FAM91A1: variants seen among roughly 807,000 people sequenced by gnomAD.
The protein encoded by FAM91A1 is family with sequence similarity 91 member A1.
A neutral mutation model predicts 113.5 loss-of-function variants in FAM91A1; 41 were observed. That is an observed-to-expected ratio of 0.36 (90% confidence interval 0.28 to 0.47). FAM91A1 has a LOEUF of 0.47. Among genes scored for constraint, FAM91A1 ranks in the 20% least tolerant of loss-of-function variants. The probability of loss-of-function intolerance (pLI) is 1.00; values close to 1 mark genes in which losing one functional copy is unlikely to be tolerated. For synonymous variants in FAM91A1, 307 were observed against 347.9 expected, an observed-to-expected ratio of 0.88 and a Z score of 1.31; for missense variants, 696 against 1,001.2, an observed-to-expected ratio of 0.70 and a Z score of 4.11.
At position 123,806,089 on chromosome 8, in the gene FAM91A1, G is replaced by A. The variant is rs776231887; in HGVS notation, c.1892G>A (p.Arg631His). 224 of 1,589,788 alleles carry A rather than the reference G, an allele frequency of 1.4e-4. 1 individual carries two copies. Among genetic ancestry groups the A allele is most frequent in the Admixed American group, 6.4e-4 (37 of 57,482 alleles). ...DETELQGEFT[R>H]VNMGVHKALQ... ...TCCGTTCTGTTTGTAGAGTTCACTC[G>A]TGTCAATATGGGTGTTCATAAAGCA... Residue 631 changes from arginine to histidine, a missense_variant, in exon 20 of 24, where the codon CGT (arginine) becomes CAT (histidine). Coordinates refer to ENST00000334705, the MANE Select transcript of FAM91A1 (RefSeq NM_144963.4).
chr8:123,809,200 C>T (rs1026262049), intron 22 of FAM91A1, among the ~76,000 whole-genome samples, 184 bp downstream of exon 22: 12 of 152,166 alleles, frequency 7.9e-5, no homozygotes, highest in Admixed American at 3.3e-4. Flanking sequence ...TTCACTAGAT[C>T]AGAAATTAGT....
rs1815760687 is a variant in FAM91A1 at position 123,804,546 on chromosome 8, T to C, written c.1810-721T>C. 3.9e-5 allele frequency among the ~76,000 whole-genome samples: 5 copies of C among 128,812 alleles called. No homozygotes were observed. The Admixed American group carries it at 4.1e-4, about 10-fold the overall frequency. The allele number at this position is 128,812 out of a possible 152,430, so 84.5% of individuals were successfully genotyped here. A position where few individuals can be genotyped will look rare whatever the true frequency, so the allele number is the denominator to read the frequency against. ...AGAGGTATAGGTCGAAAAGTATCAC[T>C]CCCCTGCTAACCCTATCAAGTTTCC... On this transcript the variant is annotated intron_variant, in intron 18 of 23. Coordinates refer to ENST00000334705, the MANE Select transcript of FAM91A1 (RefSeq NM_144963.4).
At position 123,798,851 on chromosome 8, in the gene FAM91A1, A is replaced by G. The variant is rs114269094; in HGVS notation, c.1560+613A>G. ...CAGAAAGGAAGGGATTCTTGTACGC[A>G]GGTAATTTGCCTATGTTCTAGCTGC... On this transcript the variant is annotated intron_variant, in intron 16 of 23. Transcript: ENST00000334705. Among the ~76,000 whole-genome samples, 1,470 of 152,322 alleles carry G rather than the reference A, an allele frequency of 9.7e-3. 31 individuals are homozygous for G. Among genetic ancestry groups the G allele is most frequent in the African/African-American group, 0.034 (1,410 of 41,560 alleles).
chr8:123,775,164 G>C lies in FAM91A1; in HGVS notation c.175G>C (p.Asp59His). Residue 59 changes from aspartate to histidine, a missense_variant, in exon 3 of 24, where the codon GAT becomes CAT. By Grantham distance (81) the Asp-to-His change is moderately conservative. Transcript: ENST00000334705. ...RNNLVKHVKKDERRYYEELLK... is the reference protein window; with the variant it reads ...RNNLVKHVKKHERRYYEELLK... ...TTGTGCAGTTAAACATGTCAAGAAA[G>C]ATGAACGCAGATACTATGAGGAACT... The C allele has an allele frequency of 6.2e-7, 1 of 1,608,168 alleles. No individual in the cohort carries two copies. The highest frequency in any genetic ancestry group is 8.5e-7 in the Non-Finnish European group (1 of 1,177,252).
At chr8:123,800,128 AT>A (rs1041980398) in intron 18 of FAM91A1, among the ~76,000 whole-genome samples, 2 of 151,694 alleles carry the variant, frequency 1.3e-5, no homozygotes, top group Non-Finnish European at 2.9e-5. Flanking sequence ...CGTGACCATG[AT>A]TTTTTTTATT....
intron 15 of FAM91A1, among the ~76,000 whole-genome samples, 168 bp downstream of exon 15, chr8:123,789,913 T>G (rs1414467576): frequency 2.0e-5 from 3 of 152,232 alleles, no homozygotes; most frequent in Non-Finnish European, 4.4e-5. Flanking sequence ...TTGTTAACTG[T>G]TTCTTAACCT....
At chr8:123,779,875 C>T in intron 6 of FAM91A1, 110 bp from the exon 7 acceptor site, 1 of 830,312 alleles carries the variant, frequency 1.2e-6, no homozygotes, top group East Asian at 2.7e-5. Context: ...ATATGTAGTT[C>T]ATTGAGCTAA....
Position 123,789,738 on chromosome 8 carries a change from C to A in FAM91A1, c.1404C>A (p.Pro468=), listed in dbSNP as rs184855803. The change falls in exon 15 of 24, where the codon CCC becomes CCA. Residue 468 remains proline (P), a synonymous_variant. Transcript: ENST00000334705. ...CGCAAACTGCACAGCCAGACCAACCCAATTATGGTATGATAAATATATTTA... is the reference window on the plus strand; with the variant it reads ...CGCAAACTGCACAGCCAGACCAACCAAATTATGGTATGATAAATATATTTA... ...LVAQTAQPDQ[P]NYGFPLDLLR... 6.2e-7 allele frequency: 1 copy of A among 1,610,782 alleles called. No homozygotes were observed. Among genetic ancestry groups the A allele is most frequent in the African/African-American group, 1.3e-5 (1 of 74,672 alleles).
chr8:123,811,496 ATAAAT>A (rs1396342015), intron 23 of FAM91A1: 3 of 152,226 alleles, frequency 2.0e-5, no homozygotes, highest in Non-Finnish European at 2.9e-5. Flanking sequence ...TAGTGAATTA[ATAAAT>A]TAAACTAATT....
At chr8:123,777,232 G>C in intron 3 of FAM91A1, 33 bp from the exon 4 acceptor site, 1 of 1,381,606 alleles carries the variant, frequency 7.2e-7, no homozygotes, top group Non-Finnish European at 1.0e-6. Context: ...GGACATTTTA[G>C]ATTTCAAATT....
chr8:123,780,571 T>G (rs544969345), intron 8 of FAM91A1, 29 bp downstream of exon 8: 1 of 1,577,920 alleles, frequency 6.3e-7, no homozygotes, highest in East Asian at 2.3e-5. Flanking sequence ...TTTTCACTGT[T>G]TTTTGAATGG....
At chr8:123,771,746 G>A (rs1426089371) in intron 1 of FAM91A1, among the ~76,000 whole-genome samples, 1 of 152,104 alleles carries the variant, frequency 6.6e-6, no homozygotes, top group African/African-American at 2.4e-5. Context: ...TGCGGCACAG[G>A]GGTGTACTTG....
intron 1 of FAM91A1, among the ~76,000 whole-genome samples, chr8:123,770,346 A>C (rs981808060): frequency 1.3e-4 from 20 of 152,226 alleles, no homozygotes; most frequent in Admixed American, 3.9e-4. Flanking sequence ...GTCATGCATC[A>C]TGTGGCCAAG....
Position 123,806,086 on chromosome 8 carries a change from C to T in FAM91A1, c.1889C>T (p.Thr630Ile), listed in dbSNP as rs1418970038. 1 of 1,590,048 alleles carries T rather than the reference C, an allele frequency of 6.3e-7. No homozygotes were observed. The highest frequency in any genetic ancestry group is 8.6e-7 in the Non-Finnish European group (1 of 1,165,542). ...FDETELQGEF[T>I]RVNMGVHKAL... ...ATGTCCGTTCTGTTTGTAGAGTTCACTCGTGTCAATATGGGTGTTCATAAA... is the reference window on the plus strand; with the variant it reads ...ATGTCCGTTCTGTTTGTAGAGTTCATTCGTGTCAATATGGGTGTTCATAAA... The change falls in exon 20 of 24, where the codon ACT becomes ATT. Residue 630 changes from threonine to isoleucine, a missense_variant. By Grantham distance (89) the Thr-to-Ile change is moderately conservative (BLOSUM62 -1). Transcript: ENST00000334705.
chr8:123,802,496 T>G (rs900316123), intron 18 of FAM91A1, among the ~76,000 whole-genome samples: 5 of 152,004 alleles, frequency 3.3e-5, no homozygotes, highest in Non-Finnish European at 7.4e-5. Flanking sequence ...TGGGAGGTGG[T>G]GATACCACTA....
intron 1 of FAM91A1, among the ~76,000 whole-genome samples, chr8:123,770,951 A>G (rs1471212695): frequency 6.6e-6 from 1 of 152,146 alleles, no homozygotes; most frequent in Non-Finnish European, 1.5e-5. Flanking sequence ...TGAGATTACT[A>G]CATCAGCCTT....
At chr8:123,790,221 AG>A (rs1385739489) in intron 15 of FAM91A1, among the ~76,000 whole-genome samples, 2 of 152,260 alleles carry the variant, frequency 1.3e-5, no homozygotes, top group East Asian at 3.8e-4. Flanking sequence ...AAAGAGTAAA[AG>A]AAGTAGCAGC....
chr8:123,769,708 T>TTAAG (rs1487081369), intron 1 of FAM91A1, among the ~76,000 whole-genome samples: 18 of 147,692 alleles, frequency 1.2e-4, no homozygotes, highest in African/African-American at 4.8e-4. Context: ...TACATTTTAC[T>TTAAG]AAAGAAAGAC....
intron 2 of FAM91A1, among the ~76,000 whole-genome samples, chr8:123,774,582 TTTC>T (rs994152260): frequency 3.3e-5 from 5 of 152,124 alleles, no homozygotes; most frequent in Non-Finnish European, 7.4e-5. Flanking sequence ...ATGATTTTTT[TTTC>T]TTCTTTCTAA....
Sources: gnomAD v4.1 joint callset for allele counts (sites outside exome capture counted in the v4.1 genomes callset) on GRCh38, gnomAD v4.1.1 for gene constraint, MANE v1.5 for transcripts, NCBI Gene and HGNC (gene_info 2026-07-23, HGNC 2026-07-21) for gene names.